Variants in CLCA4 observed in about 807,000 individuals in gnomAD.
The protein encoded by CLCA4 is calcium-activated chloride channel regulator 4.
CLCA4 carries 69 observed loss-of-function variants against 78.9 expected under a neutral mutation model. The ratio of observed to expected loss-of-function variants is 0.87; its 90% CI spans 0.72 to 1.07. CLCA4 has a LOEUF of 1.07. Ranked by LOEUF, CLCA4 falls within the 50% of genes least tolerant of loss-of-function variation. CLCA4 has a pLI of 0.00. For missense variants in CLCA4, 1,133 were observed against 1,095.8 expected (o/e 1.03, Z -0.48); for synonymous variants, 362 against 375.8 (o/e 0.96, Z 0.42).
intron 12 of CLCA4, 112 bp downstream of exon 12, chr1:86,578,184 T>C (rs764697021): frequency 7.0e-6 from 7 of 998,116 alleles, no homozygotes; most frequent in Non-Finnish European, 9.9e-6. Flanking sequence ...CTTTTCCCAT[T>C]TATGGAATAA....
rs767529634 is a variant in CLCA4, at chr1:86,580,269, TTAA to T, written c.2687_2689del (p.Asn896del). On this transcript the variant is annotated inframe_deletion, in exon 14 of 14. Coordinates refer to ENST00000370563, the MANE Select transcript of CLCA4 (RefSeq NM_012128.4). ...CCTGATAAAAGTCATAATTCTGGAG[TTAA>T]TATTTCTACGCTGGTATTGTCTGTG... The T allele has an allele frequency of 3.7e-6, 6 of 1,611,890 alleles. No individual in the cohort carries two copies.
At chr1:86,564,898 A>G (rs971093574) in intron 4 of CLCA4, among the ~76,000 whole-genome samples, 2 of 152,086 alleles carry the variant, frequency 1.3e-5, no homozygotes, top group Non-Finnish European at 1.5e-5. Context: ...TCTACAAAGA[A>G]CTTCAAGCTA....
At chr1:86,558,803 G>A (rs568654582) in intron 1 of CLCA4, among the ~76,000 whole-genome samples, 1 of 152,266 alleles carries the variant, frequency 6.6e-6, no homozygotes, top group South Asian at 2.1e-4. Context: ...TCCACAACAC[G>A]TGGGGATTAT....
intron 12 of CLCA4, among the ~76,000 whole-genome samples, chr1:86,578,920 G>T (rs1650614073): frequency 6.6e-6 from 1 of 151,942 alleles, no homozygotes; most frequent in African/African-American, 2.4e-5. Context: ...TGACTTTTAG[G>T]GGCTTTCTAC....
At chr1:86,563,898 A>G (rs1363530662) in intron 4 of CLCA4, 129 bp downstream of exon 4, 2 of 511,748 alleles carry the variant, frequency 3.9e-6, no homozygotes, top group African/African-American at 2.0e-5. Flanking sequence ...ATTTTTTTTT[A>G]GAAAGTGTAT....
intron 1 of CLCA4, among the ~76,000 whole-genome samples, chr1:86,552,168 AT>A (rs1649684380): frequency 6.6e-6 from 1 of 152,074 alleles, no homozygotes; most frequent in Non-Finnish European, 1.5e-5. Context: ...TTTTAAGAAA[AT>A]AGCTGAAAAA....
Position 86,579,926 on chromosome 1 carries a change from A to G in CLCA4, c.2357-16A>G, listed in dbSNP as rs748191802. ...ATGCTGCAGTCTCTAAACTACATGT[A>G]ACTTTTTTTTCTCAGTTCAACGTTA... On this transcript the variant is annotated splice_polypyrimidine_tract_variant and intron_variant, in intron 13 of 13. Coordinates refer to ENST00000370563, the MANE Select transcript of CLCA4 (RefSeq NM_012128.4). 2 of 1,511,368 alleles carry G rather than the reference A, an allele frequency of 1.3e-6. No homozygotes were observed. Among genetic ancestry groups the G allele is most frequent in the Non-Finnish European group, 1.8e-6 (2 of 1,115,918 alleles). The allele number at this position is 1,511,368 out of a possible 1,614,324, so 93.6% of individuals were successfully genotyped here. A position where few individuals can be genotyped will look rare whatever the true frequency, so the allele number is the denominator to read the frequency against.
At chr1:86,550,594 G>C (rs1649623611) in intron 1 of CLCA4, among the ~76,000 whole-genome samples, 1 of 150,688 alleles carries the variant, frequency 6.6e-6, no homozygotes, top group Non-Finnish European at 1.5e-5. Flanking sequence ...AAAAACTAGG[G>C]GTCCGAAAAA....
At chr1:86,560,823 T>G (rs1276000196) in intron 3 of CLCA4, among the ~76,000 whole-genome samples, 1 of 152,244 alleles carries the variant, frequency 6.6e-6, no homozygotes, top group Non-Finnish European at 1.5e-5. Context: ...TATCAGTTGC[T>G]GATAATATCA....
intron 1 of CLCA4, chr1:86,553,477 A>G: frequency 3.1e-6 from 1 of 317,624 alleles, no homozygotes; most frequent in East Asian, 6.4e-5. Context: ...ATCCTGTCCG[A>G]CCCGCGAGTC....
chr1:86,576,160 TG>T (rs761741607), intron 11 of CLCA4, among the ~76,000 whole-genome samples: 5 of 151,946 alleles, frequency 3.3e-5, no homozygotes, highest in South Asian at 2.1e-4. Flanking sequence ...TTTTTTTGTT[TG>T]TTTTTTTTGT....
chr1:86,574,223 G>GA (rs1650439274), intron 9 of CLCA4, among the ~76,000 whole-genome samples: 1 of 151,880 alleles, frequency 6.6e-6, no homozygotes, highest in Non-Finnish European at 1.5e-5. Flanking sequence ...CTATCTGTGT[G>GA]AAAAAATTAT....
At chr1:86,547,382 A>G (rs1181746508) in intron 1 of CLCA4, 104 bp downstream of exon 1, 1 of 817,702 alleles carries the variant, frequency 1.2e-6, no homozygotes, top group Non-Finnish European at 1.8e-6. Flanking sequence ...TAGTATTTCT[A>G]TACATGTATA....
intron 5 of CLCA4, 119 bp from the exon 6 acceptor site, chr1:86,565,683 A>G: frequency 1.5e-6 from 1 of 657,998 alleles, no homozygotes; most frequent in Non-Finnish European, 2.5e-6. Context: ...TGCTCAGTAA[A>G]TGATATTTCA....
intron 1 of CLCA4, among the ~76,000 whole-genome samples, chr1:86,552,087 C>T (rs148022126): frequency 6.6e-6 from 1 of 152,202 alleles, no homozygotes; most frequent in African/African-American, 2.4e-5. Flanking sequence ...AAATGAAACA[C>T]ACCAACTACA....
At chr1:86,573,546 A>G (rs1650416737) in intron 9 of CLCA4, among the ~76,000 whole-genome samples, 1 of 151,078 alleles carries the variant, frequency 6.6e-6, no homozygotes, top group African/African-American at 2.4e-5. Context: ...CCCTAAACAA[A>G]TCTATTTTCC....
At chr1:86,570,286 A>G (rs114524040) in intron 7 of CLCA4, among the ~76,000 whole-genome samples, 2,157 of 152,036 alleles carry the variant, frequency 0.014, 57 homozygotes, top group African/African-American at 0.049. Context: ...AGGTCTCAAA[A>G]TGGTGCTCCA....
At chr1:86,578,831 A>G (rs1570340643) in intron 12 of CLCA4, among the ~76,000 whole-genome samples, 2 of 152,066 alleles carry the variant, frequency 1.3e-5, no homozygotes, top group Non-Finnish European at 1.5e-5. Context: ...TAAGTCAAAA[A>G]GAAAAACAGT....
chr1:86,574,785 A>C, intron 10 of CLCA4, 30 bp downstream of exon 10: 1 of 1,504,468 alleles, frequency 6.6e-7, no homozygotes, highest in Non-Finnish European at 9.2e-7. Flanking sequence ...ACTTCCTGTC[A>C]ACATTTTTAA....
Sources: allele counts gnomAD v4.1 joint callset (sites outside exome capture counted in the v4.1 genomes callset), GRCh38; gene constraint gnomAD v4.1.1; transcripts MANE v1.5; gene names NCBI Gene and HGNC (gene_info 2026-07-23, HGNC 2026-07-21).